DNTTIP1: variants seen among roughly 807,000 people sequenced by gnomAD.
DNTTIP1 encodes the protein deoxynucleotidyltransferase terminal interacting protein 1.
DNTTIP1 carries 22 observed loss-of-function variants against 52.9 expected under a neutral mutation model. The ratio of observed to expected loss-of-function variants is 0.42; its 90% confidence interval spans 0.30 to 0.59. The LOEUF (loss-of-function observed/expected upper bound fraction) is 0.59, where lower values mean the gene tolerates loss of function less well. DNTTIP1 is among the 20% of genes least tolerant of loss of function. DNTTIP1 has a pLI of 0.22. For synonymous variants in DNTTIP1, 136 were observed against 155.1 expected, an observed-to-expected ratio of 0.88 and a Z score of 0.92; for missense variants, 286 against 435.5, an observed-to-expected ratio of 0.66 and a Z score of 3.06.
intron 10 of DNTTIP1, among the ~76,000 whole-genome samples, chr20:45,806,143 G>A (rs534837722): frequency 1.3e-5 from 2 of 152,138 alleles, no homozygotes; most frequent in Admixed American, 1.3e-4. Flanking sequence ...ATCACCTGAA[G>A]TCGGGAGTTC....
In DNTTIP1 at chr20:45,809,281, C is replaced by A; in HGVS notation, c.795+96C>A. The A allele has an allele frequency of 9.4e-7, 1 of 1,058,498 alleles. No individual in the cohort carries two copies. Among genetic ancestry groups the A allele is most frequent in the Non-Finnish European group, 1.5e-6 (1 of 686,150 alleles). The allele number at this position is 1,058,498 out of a possible 1,614,324, so 65.6% of individuals were successfully genotyped here. A position where few individuals can be genotyped will look rare whatever the true frequency, so the allele number is the denominator to read the frequency against. On this transcript the variant is annotated intron_variant, in intron 11 of 12. Coordinates refer to ENST00000372622, the MANE Select transcript of DNTTIP1 (RefSeq NM_052951.3). The surrounding 1 kb of genome is among the most constrained non-coding windows in gnomAD (Gnocchi z 4.2). Reference sequence around the variant, plus strand: ...GACAGCCTACCTCCAAATCTGACTTCCAAAGCCTCACCAATGTGTGAGAAG... The same window carrying A: ...GACAGCCTACCTCCAAATCTGACTTACAAAGCCTCACCAATGTGTGAGAAG...
chr20:45,808,944 C>T (rs1359707089), intron 10 of DNTTIP1, among the ~76,000 whole-genome samples, 170 bp from the exon 11 acceptor site: 4 of 152,134 alleles, frequency 2.6e-5, no homozygotes, highest in African/African-American at 4.8e-5. Flanking sequence ...GGTCTGCCCT[C>T]GGGGTTGGCT....
At chr20:45,806,477 A>G (rs1981654411) in intron 10 of DNTTIP1, among the ~76,000 whole-genome samples, 1 of 152,226 alleles carries the variant, frequency 6.6e-6, no homozygotes, top group African/African-American at 2.4e-5. Context: ...GGAGGAAATC[A>G]TAAACTCACT....
intron 4 of DNTTIP1, 78 bp downstream of exon 4, chr20:45,795,521 G>GTCCGGCTTAA: frequency 1.1e-6 from 1 of 880,296 alleles, no homozygotes; most frequent in Non-Finnish European, 1.8e-6. Flanking sequence ...ATCTTAAGCC[G>GTCCGGCTTAA]GACGTGGTGG....
rs780193888 is a variant in DNTTIP1, at chr20:45,793,990, C to T, written c.246C>T (p.Ile82=). ...AVLQPSINEE[I]QTVFNKYMKF... is the part of the protein sequence containing the mutation. Reference sequence around the variant, plus strand: ...TGCAGCCCAGCATCAACGAGGAGATCCAGACTGTCTTCAACAAGTACATGA... The same window carrying T: ...TGCAGCCCAGCATCAACGAGGAGATTCAGACTGTCTTCAACAAGTACATGA... The change falls in exon 3 of 13, where the codon ATC becomes ATT. Residue 82 remains isoleucine, a synonymous_variant. Transcript: ENST00000372622. 1 of 1,597,970 alleles carries T rather than the reference C, an allele frequency of 6.3e-7. No individual in the cohort carries two copies. The highest frequency in any genetic ancestry group is 1.1e-5 in the South Asian group (1 of 87,002).
At chr20:45,800,688 AAAAAAAATATATATAT>A (rs1666146717) in intron 4 of DNTTIP1, among the ~76,000 whole-genome samples, 2 of 55,868 alleles carry the variant, frequency 3.6e-5, no homozygotes, top group African/African-American at 1.9e-4. Flanking sequence ...TTAAAAAAAA[AAAAAAAATATATATAT>A]ATATATATAT....
At chr20:45,803,651 A>G (rs1981546110) in intron 8 of DNTTIP1, among the ~76,000 whole-genome samples, 1 of 152,230 alleles carries the variant, frequency 6.6e-6, no homozygotes, top group Non-Finnish European at 1.5e-5. Flanking sequence ...AATACTTAGT[A>G]TGTAACGGGC....
chr20:45,809,379 G>A lies in DNTTIP1; in HGVS notation c.795+194G>A, dbSNP rs1981750407. 6.6e-6 allele frequency among the ~76,000 whole-genome samples: 1 copy of A among 152,108 alleles called. No homozygotes were observed. The highest frequency in any genetic ancestry group is 1.5e-5 in the Non-Finnish European group (1 of 68,022). On this transcript the variant is annotated intron_variant, in intron 11 of 12. Coordinates refer to ENST00000372622, the MANE Select transcript of DNTTIP1 (RefSeq NM_052951.3). The surrounding 1 kb of genome is among the most constrained non-coding windows in gnomAD (Gnocchi z 4.2). ...CTTCAGGTTCCCTTCCCTATCCCTA[G>A]GTCTCCCTTCCGCCCCCTCACACTT...
chr20:45,802,555 T>C (rs1981509300), intron 7 of DNTTIP1, among the ~76,000 whole-genome samples: 1 of 152,124 alleles, frequency 6.6e-6, no homozygotes, highest in South Asian at 2.1e-4. Flanking sequence ...ATATCCCGTA[T>C]ACTCCCTGAC....
intron 3 of DNTTIP1, among the ~76,000 whole-genome samples, chr20:45,794,535 C>T (rs147593519): frequency 7.9e-5 from 12 of 152,080 alleles, no homozygotes; most frequent in African/African-American, 2.4e-4. Flanking sequence ...GCCCTTGTCA[C>T]GCACGTGGTT....
chr20:45,802,106 A>G, intron 7 of DNTTIP1, 49 bp downstream of exon 7: 1 of 1,593,834 alleles, frequency 6.3e-7, no homozygotes, highest in Non-Finnish European at 8.6e-7. Flanking sequence ...GCAGACGGAG[A>G]GAGGGGCCCT....
chr20:45,810,026 A>T (rs1032630305), intron 11 of DNTTIP1, among the ~76,000 whole-genome samples: 2 of 147,266 alleles, frequency 1.4e-5, no homozygotes, highest in East Asian at 2.0e-4. Context: ...GTAGTTCTTT[A>T]AAAAAAAAAA....
rs190525516 is a variant in DNTTIP1, at chr20:45,802,551, C to T, written c.557+494C>T. Among the ~76,000 whole-genome samples the T allele has an allele frequency of 1.4e-4, 22 of 152,064 alleles. No individual in the cohort carries two copies. The East Asian group carries it at 3.1e-3, about 21-fold the overall frequency. The stretch of plus-strand genomic sequence containing the variant: ...TTGAGAGGAAGGTACAGACATATCC[C>T]GTATACTCCCTGACCCTACACATGC... On this transcript the variant is annotated intron_variant, in intron 7 of 12. Coordinates refer to ENST00000372622, the MANE Select transcript of DNTTIP1 (RefSeq NM_052951.3).
chr20:45,799,374 G>C (rs182673590), intron 4 of DNTTIP1, among the ~76,000 whole-genome samples: 1 of 152,218 alleles, frequency 6.6e-6, no homozygotes, highest in African/African-American at 2.4e-5. Flanking sequence ...CCTCAGCACT[G>C]TCAAATGCCA....
intron 10 of DNTTIP1, 27 bp downstream of exon 10, chr20:45,805,393 G>GC: frequency 6.2e-7 from 1 of 1,611,226 alleles, no homozygotes; most frequent in Non-Finnish European, 8.5e-7. Flanking sequence ...AGGAAAGCAG[G>GC]CCATTGCATT....
In DNTTIP1 at chr20:45,801,449, T is replaced by A. The variant is rs1156815444; in HGVS notation, c.489T>A (p.Leu163=). 4.3e-6 allele frequency: 7 copies of A among 1,613,958 alleles called. No homozygotes were observed. Among genetic ancestry groups the A allele is most frequent in the Non-Finnish European group, 5.1e-6 (6 of 1,179,990 alleles). Residue 163 remains leucine, a synonymous_variant, in exon 6 of 13, where the codon CTT becomes CTA. Coordinates refer to ENST00000372622, the MANE Select transcript of DNTTIP1 (RefSeq NM_052951.3). ...EEECAHRGSP[L]PKKRKGRPPG... Reference sequence around the variant, plus strand: ...AATGTGCCCATCGAGGAAGCCCCCTTCCTAAAAAGGTAAACCATTTCCTTG... The same window carrying A: ...AATGTGCCCATCGAGGAAGCCCCCTACCTAAAAAGGTAAACCATTTCCTTG...
chr20:45,810,104 G>A (rs1981775410), intron 11 of DNTTIP1, among the ~76,000 whole-genome samples: 2 of 152,070 alleles, frequency 1.3e-5, no homozygotes, highest in South Asian at 2.1e-4. Context: ...TCAGCTGTAG[G>A]CCCCACTCAT....
intron 4 of DNTTIP1, among the ~76,000 whole-genome samples, chr20:45,800,721 A>G (rs1601028460): frequency 6.9e-5 from 1 of 14,534 alleles, no homozygotes; most frequent in African/African-American, 1.5e-4. Context: ...ATATATATAT[A>G]TATATATATA....
intron 3 of DNTTIP1, among the ~76,000 whole-genome samples, chr20:45,794,218 G>A (rs532320193): frequency 3.3e-5 from 5 of 152,190 alleles, no homozygotes; most frequent in South Asian, 2.1e-4. Context: ...GCACAATATC[G>A]ATTCACCGCA....
Sources: gnomAD v4.1 joint callset for allele counts (sites outside exome capture counted in the v4.1 genomes callset) on GRCh38, gnomAD v4.1.1 for gene constraint, Gnocchi (gnomAD v3.1) non-coding constraint, MANE v1.5 for transcripts, NCBI Gene and HGNC (gene_info 2026-07-23, HGNC 2026-07-21) for gene names.